Variants in HACE1 observed in about 807,000 individuals in gnomAD.
The protein encoded by HACE1 is HECT domain and ankyrin repeat containing E3 ubiquitin protein ligase 1, also known as E3 ubiquitin-protein ligase HACE1.
In HACE1, 73 loss-of-function variants were observed where a neutral mutation model predicts 118.4. The ratio of observed to expected loss-of-function variants is 0.62; its 90% CI spans 0.51 to 0.75. The LOEUF is 0.75. Among genes scored for constraint, HACE1 ranks in the 30% least tolerant of loss-of-function variants. The pLI is 0.00. For synonymous variants in HACE1, 368 were observed against 374.8 expected (o/e 0.98, Z 0.21); for missense variants, 749 against 1,102.2 (o/e 0.68, Z 4.54).
chr6:104,802,296 T>C (rs368193740), intron 7 of HACE1, among the ~76,000 whole-genome samples: 6 of 152,248 alleles, frequency 3.9e-5, no homozygotes, highest in South Asian at 4.1e-4. Context: ...CTGTCAATAA[T>C]AGACAGATCA....
At chr6:104,810,431 A>G (rs915637648) in intron 7 of HACE1, among the ~76,000 whole-genome samples, 5 of 152,096 alleles carry the variant, frequency 3.3e-5, no homozygotes, top group African/African-American at 1.2e-4. Flanking sequence ...AAAAAAGAAG[A>G]AGAGAGGAGC....
intron 1 of HACE1, among the ~76,000 whole-genome samples, chr6:104,854,262 A>AT (rs1355767898): frequency 2.0e-5 from 3 of 152,366 alleles, no homozygotes; most frequent in African/African-American, 7.2e-5. Flanking sequence ...CTAAAGAAAC[A>AT]TAACTAAAGG....
chr6:104,852,166 T>A (rs1776265226), intron 2 of HACE1, 151 bp downstream of exon 2: 1 of 631,276 alleles, frequency 1.6e-6, no homozygotes, highest in Middle Eastern at 3.2e-4. Flanking sequence ...AAAAGTTAAA[T>A]AACTTGCCCC....
chr6:104,843,763 T>C (rs1782017655), intron 4 of HACE1, among the ~76,000 whole-genome samples: 1 of 151,994 alleles, frequency 6.6e-6, no homozygotes, highest in African/African-American at 2.4e-5. Context: ...AAAATGCATG[T>C]CTATGCATCC....
In HACE1 at chr6:104,859,813, C is replaced by A; in HGVS notation, c.-171G>T. 1.7e-6 allele frequency: 1 copy of A among 595,400 alleles called. No individual in the cohort carries two copies. The highest frequency in any genetic ancestry group is 3.7e-5 in the Admixed American group (1 of 26,880). The allele number at this position is 595,400 out of a possible 1,614,324, so 36.9% of individuals were successfully genotyped here. A position where few individuals can be genotyped will look rare whatever the true frequency, so the allele number is the denominator to read the frequency against. ...GGGGCCACGTCCTGCGTCCGGGGGC[C>A]GGGCTGCTGCCGGACCGACCACCTA... On this transcript the variant is annotated 5_prime_UTR_variant, in exon 1 of 24. Coordinates refer to ENST00000262903, the MANE Select transcript of HACE1 (RefSeq NM_020771.4).
At chr6:104,853,924 C>T (rs1320271963) in intron 1 of HACE1, among the ~76,000 whole-genome samples, 3 of 152,012 alleles carry the variant, frequency 2.0e-5, no homozygotes, top group Non-Finnish European at 1.5e-5. Context: ...ATAAATTGGG[C>T]ACAGTAAGAG....
At chr6:104,804,906 T>C (rs1478270908) in intron 7 of HACE1, among the ~76,000 whole-genome samples, 1 of 151,256 alleles carries the variant, frequency 6.6e-6, no homozygotes, top group Non-Finnish European at 1.5e-5. Flanking sequence ...GAAACTACCA[T>C]CAGAGTGAAC....
rs1395179960 is a variant in HACE1, at chr6:104,728,827, GC to G, written c.*834del. 1 of 151,990 alleles carries G rather than the reference GC, an allele frequency of 6.6e-6. No homozygotes were observed. The highest frequency in any genetic ancestry group is 1.5e-5 in the Non-Finnish European group (1 of 67,956). 9.4% of individuals were successfully genotyped at this position (151,990 alleles called of 1,614,324 possible). A position where few individuals can be genotyped will look rare whatever the true frequency, so the allele number is the denominator to read the frequency against. On this transcript the variant is annotated 3_prime_UTR_variant, in exon 24 of 24. Transcript: ENST00000262903. ...TAATGATGAAAAGCAAATTTAAGAA[GC>G]AAAAAAATTAACATATTTAAATTAT...
At chr6:104,851,089 T>C (rs1297995305) in intron 2 of HACE1, 93 bp from the exon 3 acceptor site, 66 of 775,510 alleles carry the variant, frequency 8.5e-5, no homozygotes, top group Non-Finnish European at 4.6e-6. Flanking sequence ...CTCTGTTTGT[T>C]TGTTTGTTTG....
chr6:104,759,313 A>C (rs1482390410), intron 19 of HACE1, among the ~76,000 whole-genome samples: 1 of 152,230 alleles, frequency 6.6e-6, no homozygotes, highest in Non-Finnish European at 1.5e-5. Context: ...AACACTCCTC[A>C]GGAAATGTAA....
chr6:104,856,399 C>T (rs1442522956), intron 1 of HACE1, among the ~76,000 whole-genome samples: 1 of 151,832 alleles, frequency 6.6e-6, no homozygotes, highest in Non-Finnish European at 1.5e-5. Flanking sequence ...GTAGTTCAAA[C>T]TTTACATACA....
intron 5 of HACE1, among the ~76,000 whole-genome samples, chr6:104,841,180 G>A (rs1380473008): frequency 1.3e-5 from 2 of 151,930 alleles, no homozygotes; most frequent in African/African-American, 4.8e-5. Context: ...TGGAGGTTGG[G>A]GAGGAAGGCC....
At chr6:104,761,852 G>GA (rs927695566) in intron 19 of HACE1, among the ~76,000 whole-genome samples, 117 of 151,924 alleles carry the variant, frequency 7.7e-4, no homozygotes, top group African/African-American at 2.6e-3. Context: ...AAATTTACAA[G>GA]AAAAAAACAA....
chr6:104,827,366 A>C (rs1054987781), intron 6 of HACE1, among the ~76,000 whole-genome samples: 3 of 152,192 alleles, frequency 2.0e-5, no homozygotes, highest in Non-Finnish European at 4.4e-5. Context: ...ATGGCAATGC[A>C]CAAATAACTT....
chr6:104,840,428 G>A (rs1320646101), intron 5 of HACE1, among the ~76,000 whole-genome samples: 3 of 152,246 alleles, frequency 2.0e-5, no homozygotes, highest in East Asian at 3.9e-4. Flanking sequence ...GAGAACAATA[G>A]CCTCATCTTC....
intron 5 of HACE1, chr6:104,842,502 G>A (rs1433463766): frequency 6.7e-6 from 1 of 149,822 alleles, no homozygotes; most frequent in Non-Finnish European, 1.5e-5. Flanking sequence ...AGGAATACAG[G>A]GAGTGCTCAT....
chr6:104,800,570 A>C (rs1224063053), intron 7 of HACE1, among the ~76,000 whole-genome samples: 1 of 152,224 alleles, frequency 6.6e-6, no homozygotes, highest in East Asian at 1.9e-4. Flanking sequence ...GGTGATACCC[A>C]GGCAAACAGG....
At chr6:104,796,604 G>A (rs1355410995) in intron 9 of HACE1, 51 bp downstream of exon 9, 1 of 910,478 alleles carries the variant, frequency 1.1e-6, no homozygotes, top group African/African-American at 1.6e-5. Flanking sequence ...CATATATGCT[G>A]AGCAGGAATA....
chr6:104,826,423 A>C (rs1029619074), intron 6 of HACE1, among the ~76,000 whole-genome samples: 2 of 152,236 alleles, frequency 1.3e-5, no homozygotes, highest in African/African-American at 4.8e-5. Flanking sequence ...AAAATAAACC[A>C]GGATTTTCTA....
Sources: gnomAD v4.1 joint callset for allele counts (sites outside exome capture counted in the v4.1 genomes callset) on GRCh38, gnomAD v4.1.1 for gene constraint, MANE v1.5 for transcripts, NCBI Gene and HGNC (gene_info 2026-07-23, HGNC 2026-07-21) for gene names.